Variants in CTBP2 observed in about 807,000 individuals in gnomAD.
CTBP2 encodes the protein C-terminal binding protein 2, also known as C-terminal-binding protein 2.
A neutral mutation model predicts 80.3 loss-of-function variants in CTBP2; 30 were observed. The ratio of observed to expected loss-of-function variants is 0.37; its 90% confidence interval spans 0.28 to 0.51. The LOEUF is 0.51. Ranked by LOEUF, CTBP2 falls within the 20% of genes least tolerant of loss-of-function variation. CTBP2 has a pLI of 0.93. For missense variants in CTBP2, 1,212 were observed against 1,375.3 expected, an observed-to-expected ratio of 0.88 and a Z score of 1.88; for synonymous variants, 594 against 587.4, an observed-to-expected ratio of 1.01 and a Z score of -0.16.
At chr10:125,022,866 G>C (rs114807685) in intron 1 of CTBP2, among the ~76,000 whole-genome samples, 41 of 152,364 alleles carry the variant, frequency 2.7e-4, no homozygotes, top group African/African-American at 7.9e-4. Flanking sequence ...AGGTGCAGAG[G>C]AGTCTCAAAC....
intron 2 of CTBP2, among the ~76,000 whole-genome samples, chr10:125,079,389 C>T (rs1191347161): frequency 8.5e-5 from 13 of 152,136 alleles, no homozygotes; most frequent in Non-Finnish European, 1.5e-4. Context: ...TATTCACCAC[C>T]GGTCAATTCA....
chr10:125,047,259 A>G (rs1961501616), intron 2 of CTBP2, among the ~76,000 whole-genome samples: 1 of 152,312 alleles, frequency 6.6e-6, no homozygotes, highest in East Asian at 1.9e-4. Flanking sequence ...ATGCAGATCA[A>G]TTTTTCCTTT....
chr10:125,139,276 C>T (rs1416169807), intron 1 of CTBP2, among the ~76,000 whole-genome samples: 1 of 147,088 alleles, frequency 6.8e-6, no homozygotes, highest in Non-Finnish European at 1.5e-5. Flanking sequence ...GAGGTTGAGG[C>T]ATGAATTGCT....
upstream of CTBP2, among the ~76,000 whole-genome samples, chr10:125,029,967 G>A (rs1958013482): frequency 3.3e-5 from 5 of 152,186 alleles, no homozygotes; most frequent in Admixed American, 2.6e-4. Flanking sequence ...GCCTCCCATT[G>A]AACCAGGAGG....
At position 125,002,989 on chromosome 10, in the gene CTBP2, T is replaced by C; in HGVS notation, c.1949A>G (p.Asn650Ser). The C allele has an allele frequency of 6.2e-7, 1 of 1,613,632 alleles. No individual in the cohort carries two copies. ...CTCGCCGGCAGCCTTGATGTCCACG[T>C]TGTCATAGCCACTGCCTATCCGCAC... The change falls in exon 3 of 9, where the codon AAC (asparagine) becomes AGC (serine). Residue 650 changes from asparagine (N) to serine (S), a missense_variant. By Grantham distance (46) the Asn-to-Ser change is conservative (BLOSUM62 1). Coordinates refer to ENST00000309035, the MANE Select transcript of CTBP2 (RefSeq NM_022802.3).
Position 125,026,808 on chromosome 10 carries a change from G to A in CTBP2, c.952C>T (p.Pro318Ser), listed in dbSNP as rs1957647063. The A allele has an allele frequency of 2.5e-6, 4 of 1,613,390 alleles. No homozygotes were observed. The highest frequency in any genetic ancestry group is 3.4e-6 in the Non-Finnish European group (4 of 1,179,982). The change falls in exon 1 of 9, where the codon CCG becomes TCG. Residue 318 changes from proline to serine, a missense_variant. Pro to Ser is a moderately conservative substitution (Grantham distance 74, BLOSUM62 -1). Transcript: ENST00000309035. ...TCCTCCAGGGTAGCCAGGACGGCCG[G>A]GGAGTCAAAGCCCTGCTGCAGTAGG...
At chr10:125,054,633 C>T (rs1165696928) in intron 2 of CTBP2, among the ~76,000 whole-genome samples, 4 of 152,244 alleles carry the variant, frequency 2.6e-5, no homozygotes, top group African/African-American at 9.6e-5. Context: ...GGTAATTTGT[C>T]ACACAGCAAT....
Position 125,155,227 on chromosome 10 carries a change from C to T in CTBP2, c.-206+5092G>A, listed in dbSNP as rs145231640. Among the ~76,000 whole-genome samples the T allele has an allele frequency of 2.6e-5, 4 of 152,332 alleles. No individual in the cohort carries two copies. The East Asian group carries it at 7.7e-4, about 29-fold the overall frequency. On this transcript the variant is annotated intron_variant, in intron 1 of 10. Transcript: ENST00000337195. ...GCCAAATCTCCATGCCCGGCAAAGA[C>T]GGATGAATGTGCCCCTGGTTCCCAT...
chr10:125,039,669 C>T (rs1812397993), intron 2 of CTBP2, among the ~76,000 whole-genome samples: 1 of 152,208 alleles, frequency 6.6e-6, no homozygotes, highest in African/African-American at 2.4e-5. Flanking sequence ...CTCAGCACAA[C>T]ACAAAACCCT....
At chr10:125,061,824 G>A (rs1201991982) in intron 2 of CTBP2, among the ~76,000 whole-genome samples, 2 of 152,166 alleles carry the variant, frequency 1.3e-5, no homozygotes, top group African/African-American at 4.8e-5. Context: ...GTAGCAATAA[G>A]CAGGCTCCCC....
chr10:125,084,825 G>A (rs1226753864), intron 2 of CTBP2, among the ~76,000 whole-genome samples: 2 of 151,910 alleles, frequency 1.3e-5, no homozygotes, highest in South Asian at 2.1e-4. Flanking sequence ...CCCAAAACAC[G>A]TCTCCACTGC....
At chr10:125,127,070 G>T (rs1307669939) in intron 1 of CTBP2, among the ~76,000 whole-genome samples, 1 of 152,170 alleles carries the variant, frequency 6.6e-6, no homozygotes, top group Non-Finnish European at 1.5e-5. Flanking sequence ...ACAAGAAACA[G>T]CCGAGTGTTA....
At chr10:124,991,220 TAGA>T (rs966668559) in intron 8 of CTBP2, among the ~76,000 whole-genome samples, 1 of 152,148 alleles carries the variant, frequency 6.6e-6, no homozygotes, top group African/African-American at 2.4e-5. Flanking sequence ...TCCATCCAGG[TAGA>T]GGAGGAGGCA....
chr10:125,029,079 T>C (rs958697423), upstream of CTBP2, among the ~76,000 whole-genome samples: 18 of 152,320 alleles, frequency 1.2e-4, no homozygotes, highest in African/African-American at 4.3e-4. Flanking sequence ...ATTAGGAAGC[T>C]ACAAAGGCTG....
At chr10:124,994,273 G>A (rs944476403) in intron 5 of CTBP2, among the ~76,000 whole-genome samples, 196 bp downstream of exon 7, 1 of 152,218 alleles carries the variant, frequency 6.6e-6, no homozygotes, top group Non-Finnish European at 1.5e-5. Flanking sequence ...GCTAGCGCCT[G>A]TCCTTCTCTG....
At chr10:125,004,017 A>G (rs984864567) in intron 1 of CTBP2, among the ~76,000 whole-genome samples, 1 of 152,192 alleles carries the variant, frequency 6.6e-6, no homozygotes, top group African/African-American at 2.4e-5. Flanking sequence ...GGAGGCCTCT[A>G]GGGGCTCAGG....
At chr10:125,063,353 C>G (rs1475079531) in intron 2 of CTBP2, among the ~76,000 whole-genome samples, 2 of 152,072 alleles carry the variant, frequency 1.3e-5, no homozygotes, top group African/African-American at 4.8e-5. Context: ...CGTGTTTTAC[C>G]CCACACGTCA....
chr10:125,155,502 T>C (rs746602144), intron 1 of CTBP2, among the ~76,000 whole-genome samples: 45 of 152,150 alleles, frequency 3.0e-4, no homozygotes, highest in Non-Finnish European at 5.9e-4. Context: ...TTAATAATGA[T>C]AGCTAAAAGC....
At chr10:125,032,415 G>A (rs888062668), upstream of CTBP2, among the ~76,000 whole-genome samples, 7 of 152,274 alleles carry the variant, frequency 4.6e-5, no homozygotes, top group East Asian at 1.9e-4. Context: ...CCAGGATGCC[G>A]TCCTTCCTCT....
Sources: gnomAD v4.1 joint callset for allele counts (sites outside exome capture counted in the v4.1 genomes callset) on GRCh38, gnomAD v4.1.1 for gene constraint, MANE v1.5 for transcripts, NCBI Gene and HGNC (gene_info 2026-07-23, HGNC 2026-07-21) for gene names.